Variants in CRYZ observed in about 807,000 individuals in gnomAD.
The protein encoded by CRYZ is crystallin zeta.
In CRYZ, 35 loss-of-function variants were observed where a neutral mutation model predicts 34.1. The ratio of observed to expected loss-of-function variants is 1.03; its 90% CI spans 0.78 to 1.36. CRYZ has a LOEUF of 1.36. Among genes scored for constraint, CRYZ ranks in the 40% most tolerant of loss-of-function variants. The probability of loss-of-function intolerance (pLI) is 0.00; values close to 1 mark genes in which losing one functional copy is unlikely to be tolerated. For synonymous variants in CRYZ, 137 were observed against 136.5 expected (o/e 1.00, Z -0.03); for missense variants, 403 against 391.8 (o/e 1.03, Z -0.24).
Position 74,712,965 on chromosome 1 carries a change from G to A in CRYZ, c.480+1614C>T, listed in dbSNP as rs957487524. Among the ~76,000 whole-genome samples, 5 of 152,006 alleles carry A rather than the reference G, an allele frequency of 3.3e-5. No individual in the cohort carries two copies. In the South Asian group the frequency reaches 1.0e-3, roughly 32 times the overall value. Reference sequence around the variant, plus strand: ...TAGGGCACTCCTCACCAACATATCTGGATAATAGCTGTGTTCATAAATTCC... The same window carrying A: ...TAGGGCACTCCTCACCAACATATCTAGATAATAGCTGTGTTCATAAATTCC... On this transcript the variant is annotated intron_variant, in intron 5 of 8. Transcript: ENST00000340866.
intron 4 of CRYZ, 46 bp from the exon 5 acceptor site, chr1:74,714,676 A>T: frequency 6.2e-7 from 1 of 1,600,010 alleles, no homozygotes; most frequent in Non-Finnish European, 8.6e-7. Context: ...TTTGAAGCTA[A>T]TTAATCTCGG....
At chr1:74,731,711 T>C (rs1647753512) in intron 1 of CRYZ, among the ~76,000 whole-genome samples, 1 of 152,186 alleles carries the variant, frequency 6.6e-6, no homozygotes, top group African/African-American at 2.4e-5. Flanking sequence ...CTGAACTCGC[T>C]GCGCTAACCA....
In CRYZ at chr1:74,724,042, T is replaced by TA. The variant is rs531755197; in HGVS notation, c.111+668dup. Among the ~76,000 whole-genome samples the TA allele has an allele frequency of 1.6e-3, 241 of 150,758 alleles. 4 individuals carry two copies. In the East Asian group the frequency reaches 0.041, roughly 26 times the overall value. ...GGAATGAGAGAAAGGATAGGTTGGG[T>TA]AAAAAAAAATAGCATGTGCAAAGAC... On this transcript the variant is annotated intron_variant, in intron 2 of 8. Transcript: ENST00000340866.
At chr1:74,721,113 T>G (rs1647156085) in intron 3 of CRYZ, among the ~76,000 whole-genome samples, 1 of 152,108 alleles carries the variant, frequency 6.6e-6, no homozygotes, top group Non-Finnish European at 1.5e-5. Context: ...GGGACAGGAA[T>G]AAATGCCATG....
intron 3 of CRYZ, among the ~76,000 whole-genome samples, chr1:74,721,151 T>G (rs1054588675): frequency 6.6e-6 from 1 of 152,136 alleles, no homozygotes; most frequent in Non-Finnish European, 1.5e-5. Context: ...TACCAATGAG[T>G]AAGCAGACTA....
At chr1:74,720,110 A>C (rs1292242013) in intron 3 of CRYZ, among the ~76,000 whole-genome samples, 1 of 152,136 alleles carries the variant, frequency 6.6e-6, no homozygotes, top group Non-Finnish European at 1.5e-5. Flanking sequence ...TCCTCAGATC[A>C]AGCAGCTAGT....
chr1:74,707,140 T>C lies in CRYZ; in HGVS notation c.695A>G (p.Lys232Arg), dbSNP rs1344587479. ...TCCATGTGACAGAAGACTCAAGTCTTTACTAAGATTTACATTAGCTAACAT... is the reference window on the plus strand; with the variant it reads ...TCCATGTGACAGAAGACTCAAGTCTCTACTAAGATTTACATTAGCTAACAT... Reference protein sequence around the residue: ...IEMLANVNLSKDLSLLSHGGR... With the variant: ...IEMLANVNLSRDLSLLSHGGR... Residue 232 changes from lysine to arginine, a missense_variant, in exon 7 of 9, where the codon AAA becomes AGA. Coordinates refer to ENST00000340866, the MANE Select transcript of CRYZ (RefSeq NM_001889.4). 1 of 1,589,610 alleles carries C rather than the reference T, an allele frequency of 6.3e-7. No individual in the cohort carries two copies. The highest frequency in any genetic ancestry group is 1.8e-5 in the Admixed American group (1 of 56,584).
intron 6 of CRYZ, chr1:74,708,412 A>G (rs948688375): frequency 9.2e-5 from 14 of 152,168 alleles, no homozygotes; most frequent in Admixed American, 5.9e-4. Flanking sequence ...CATTTTATTT[A>G]TTTCTGGAGA....
At position 74,706,132 on chromosome 1, in the gene CRYZ, C is replaced by T. The variant is rs1646924479; in HGVS notation, c.*164G>A. ...GCATAAAAAAATATTGCTAGCTATA[C>T]AATAAATTTTACTCTTCTGCTTCTG... On this transcript the variant is annotated 3_prime_UTR_variant, in exon 9 of 9. Transcript: ENST00000340866. 2 of 527,644 alleles carry T rather than the reference C, an allele frequency of 3.8e-6. No individual in the cohort carries two copies. Among genetic ancestry groups the T allele is most frequent in the African/African-American group, 2.0e-5 (1 of 51,174 alleles). 32.7% of individuals were successfully genotyped at this position (527,644 alleles called of 1,614,324 possible).
intron 3 of CRYZ, among the ~76,000 whole-genome samples, chr1:74,720,788 A>G (rs1647149789): frequency 6.6e-6 from 1 of 152,200 alleles, no homozygotes; most frequent in African/African-American, 2.4e-5. Context: ...TACTGCGAAT[A>G]TACTACATAG....
intron 1 of CRYZ, among the ~76,000 whole-genome samples, chr1:74,731,120 G>T (rs1647700619): frequency 6.6e-6 from 1 of 152,038 alleles, no homozygotes; most frequent in Admixed American, 6.6e-5. Flanking sequence ...GAGTCCCTTG[G>T]TTTAATTTTT....
rs367847441 is a variant in CRYZ at position 74,724,706 on chromosome 1, T to C, written c.111+5A>G. On this transcript the variant is annotated splice_donor_5th_base_variant and intron_variant, in intron 2 of 8. Coordinates refer to ENST00000340866, the MANE Select transcript of CRYZ (RefSeq NM_001889.4). ...ATAGCCTCAATAAAGTAATTTTATT[T>C]CTACCTGATGGTCTTTTGGAATCGG... 6.4e-7 allele frequency: 1 copy of C among 1,574,792 alleles called. No individual in the cohort carries two copies. The highest frequency in any genetic ancestry group is 8.7e-7 in the Non-Finnish European group (1 of 1,148,712).
chr1:74,732,359 G>A (rs1402613760), intron 1 of CRYZ, among the ~76,000 whole-genome samples: 2 of 145,732 alleles, frequency 1.4e-5, no homozygotes, highest in Admixed American at 6.8e-5. Context: ...TGGGCTGTGG[G>A]AAGGGGCCCT....
chr1:74,727,987 T>C (rs529085340), intron 1 of CRYZ, among the ~76,000 whole-genome samples: 1 of 152,348 alleles, frequency 6.6e-6, no homozygotes, highest in East Asian at 1.9e-4. Flanking sequence ...GAGTATGTAA[T>C]ATTAAACAAT....
chr1:74,711,497 G>C (rs546454477), intron 5 of CRYZ, among the ~76,000 whole-genome samples: 1 of 152,300 alleles, frequency 6.6e-6, no homozygotes, highest in South Asian at 2.1e-4. Context: ...CGGGAGATGA[G>C]GAAAAGAGAA....
At position 74,706,941 on chromosome 1, in the gene CRYZ, C is replaced by A; in HGVS notation, c.786G>T (p.Lys262Asn). Residue 262 changes from lysine (K) to asparagine (N), a missense_variant, in exon 8 of 9, where the codon AAG becomes AAT. Physicochemically the swap from Lys to Asn is moderately conservative, Grantham distance 94 (BLOSUM62 0). Coordinates refer to ENST00000340866, the MANE Select transcript of CRYZ (RefSeq NM_001889.4). Reference sequence around the variant, plus strand: ...GAGTAACTCCAATTATACTCGACTCCTTTGCCATGGTGTCTCGTGGGTTTA... The same window carrying A: ...GAGTAACTCCAATTATACTCGACTCATTTGCCATGGTGTCTCGTGGGTTTA... ...IEINPRDTMA[K>N]ESSIIGVTLF... is the part of the protein sequence containing the mutation. 6.2e-7 allele frequency: 1 copy of A among 1,613,052 alleles called. No homozygotes were observed. Among genetic ancestry groups the A allele is most frequent in the Non-Finnish European group, 8.5e-7 (1 of 1,179,370 alleles).
At chr1:74,709,257 T>A (rs1646969800) in intron 6 of CRYZ, among the ~76,000 whole-genome samples, 1 of 152,146 alleles carries the variant, frequency 6.6e-6, no homozygotes, top group African/African-American at 2.4e-5. Context: ...TAAAATTAGA[T>A]TATTGCTGAA....
At chr1:74,724,664 T>A in intron 2 of CRYZ, 47 bp downstream of exon 2, 1 of 1,163,928 alleles carries the variant, frequency 8.6e-7, no homozygotes, top group Non-Finnish European at 1.3e-6. Context: ...TGCAAGAGAC[T>A]CACACTCAGT....
chr1:74,715,663 G>C (rs1267897162), intron 4 of CRYZ, among the ~76,000 whole-genome samples: 2 of 152,140 alleles, frequency 1.3e-5, no homozygotes, highest in Non-Finnish European at 2.9e-5. Context: ...AGGATGACTA[G>C]TGTTAAACTA....
Sources: gnomAD v4.1 joint callset for allele counts (sites outside exome capture counted in the v4.1 genomes callset) on GRCh38, gnomAD v4.1.1 for gene constraint, MANE v1.5 for transcripts, NCBI Gene and HGNC (gene_info 2026-07-23, HGNC 2026-07-21) for gene names.